Variants in GMPR observed in about 807,000 individuals in gnomAD.
GMPR encodes GMP reductase 1.
Under a neutral mutation model 38.4 loss-of-function variants are expected in GMPR, and 31 were observed. The observed-to-expected ratio is 0.81, with a 90% CI of 0.61 to 1.09. The LOEUF is 1.09. GMPR is among the 50% of genes least tolerant of loss of function. GMPR has a pLI of 0.00. For missense variants in GMPR, 468 were observed against 453.7 expected, an observed-to-expected ratio of 1.03 and a Z score of -0.29; for synonymous variants, 162 against 173.3, an observed-to-expected ratio of 0.93 and a Z score of 0.51.
chr6:16,267,045 GGCACGTCGGACGT>G (rs1483672894), intron 4 of GMPR, among the ~76,000 whole-genome samples: 5 of 150,844 alleles, frequency 3.3e-5, no homozygotes, highest in Admixed American at 6.6e-5. Flanking sequence ...CGAAAAAGGT[GGCACGTCGGACGT>G]GCCACCTTTA....
chr6:16,285,968 T>TG, intron 7 of GMPR, 133 bp downstream of exon 7: 1 of 772,108 alleles, frequency 1.3e-6, no homozygotes, highest in Non-Finnish European at 2.2e-6. Flanking sequence ...TTCCTCTCCC[T>TG]GGGTTTCAGC....
chr6:16,257,934 A>G (rs1759010837), intron 4 of GMPR: 1 of 152,236 alleles, frequency 6.6e-6, no homozygotes, highest in Non-Finnish European at 1.5e-5. Context: ...CATTCAGCCC[A>G]TAGCACCCCA....
intron 3 of GMPR, among the ~76,000 whole-genome samples, chr6:16,251,359 T>G (rs928270040): frequency 2.0e-5 from 3 of 152,126 alleles, no homozygotes; most frequent in Non-Finnish European, 4.4e-5. Context: ...TCACCTGAGG[T>G]CGGGAGTTCG....
At chr6:16,246,058 GGATGGTGGGTGGGCA>G (rs1158232347) in intron 1 of GMPR, among the ~76,000 whole-genome samples, 3 of 152,212 alleles carry the variant, frequency 2.0e-5, no homozygotes, top group Non-Finnish European at 2.9e-5. Flanking sequence ...AGCAGGCTGA[GGATGGTGGGTGGGCA>G]GACAGGCTGG....
At chr6:16,241,705 C>T (rs1027638001) in intron 1 of GMPR, among the ~76,000 whole-genome samples, 2 of 152,226 alleles carry the variant, frequency 1.3e-5, no homozygotes, top group African/African-American at 4.8e-5. Context: ...CTGGCTCTAA[C>T]ATTCTACTCT....
At chr6:16,240,984 G>C (rs1327041992) in intron 1 of GMPR, among the ~76,000 whole-genome samples, 1 of 152,050 alleles carries the variant, frequency 6.6e-6, no homozygotes, top group Non-Finnish European at 1.5e-5. Flanking sequence ...TGCCTCGGTG[G>C]CGTTGAGGGA....
intron 4 of GMPR, among the ~76,000 whole-genome samples, chr6:16,257,372 T>A (rs547184329): frequency 6.6e-6 from 1 of 152,296 alleles, no homozygotes; most frequent in South Asian, 2.1e-4. Context: ...TGGTAAACAT[T>A]CCATAAGTGG....
In GMPR at chr6:16,254,017, G is replaced by A. The variant is rs537253629; in HGVS notation, c.292-545G>A. Among the ~76,000 whole-genome samples, 25 of 151,710 alleles carry A rather than the reference G, an allele frequency of 1.6e-4. No homozygotes were observed. In the South Asian group the frequency reaches 4.6e-3, roughly 28 times the overall value. ...ACAATCTCGGCTCACTGCAACCTCC[G>A]CCCCCCAGGTTCAAGCTATTCTCCT... On this transcript the variant is annotated intron_variant, in intron 3 of 8. Transcript: ENST00000259727.
chr6:16,293,037 T>C (rs981822701), intron 8 of GMPR, among the ~76,000 whole-genome samples: 1 of 152,034 alleles, frequency 6.6e-6, no homozygotes, highest in African/African-American at 2.4e-5. Flanking sequence ...TCTCTCTCTC[T>C]CTTAGTTTTC....
intron 4 of GMPR, among the ~76,000 whole-genome samples, chr6:16,264,825 G>A (rs939405754): frequency 1.4e-4 from 21 of 152,310 alleles, no homozygotes; most frequent in Admixed American, 2.6e-4. Flanking sequence ...GGCAGGAACC[G>A]GCCATCTGGA....
At chr6:16,259,629 G>C (rs993016029) in intron 4 of GMPR, among the ~76,000 whole-genome samples, 1 of 151,840 alleles carries the variant, frequency 6.6e-6, no homozygotes, top group Non-Finnish European at 1.5e-5. Context: ...TTGATATTGT[G>C]GGACTGTTAG....
rs559287750 is a variant in GMPR, at chr6:16,254,491, A to G, written c.292-71A>G. The G allele has an allele frequency of 6.6e-5, 89 of 1,338,680 alleles. No individual in the cohort carries two copies. The South Asian group carries it at 1.1e-3, about 16-fold the overall frequency. 82.9% of individuals were successfully genotyped at this position (1,338,680 alleles called of 1,614,324 possible). A position where few individuals can be genotyped will look rare whatever the true frequency, so the allele number is the denominator to read the frequency against. On this transcript the variant is annotated intron_variant, in intron 3 of 8. Coordinates refer to ENST00000259727, the MANE Select transcript of GMPR (RefSeq NM_006877.4). ...TGTTGTACTGTCCCAGAATAGGTGC[A>G]TAAATGGGGGCAGGGTCTGATGTCT...
At chr6:16,266,088 TTTAAGAGCTGTAACACTTGCCATC>T (rs1759204411) in intron 4 of GMPR, among the ~76,000 whole-genome samples, 1 of 78,786 alleles carries the variant, frequency 1.3e-5, no homozygotes, top group Non-Finnish European at 3.1e-5. Flanking sequence ...ACGGGCTACC[TTTAAGAGCTGTAACACTTGCCATC>T]TTTAAGAGCT....
intron 8 of GMPR, 54 bp downstream of exon 8, chr6:16,290,675 G>T: frequency 6.6e-7 from 1 of 1,513,138 alleles, no homozygotes; most frequent in Non-Finnish European, 9.2e-7. Flanking sequence ...CTTTTCTTAC[G>T]GAGATGGGAT....
intron 8 of GMPR, among the ~76,000 whole-genome samples, chr6:16,291,210 G>GTTTATTT (rs914168632): frequency 6.6e-5 from 10 of 152,090 alleles, no homozygotes; most frequent in Non-Finnish European, 1.0e-4. Flanking sequence ...GCTGATGTGT[G>GTTTATTT]TTTATTTTTT....
intron 5 of GMPR, among the ~76,000 whole-genome samples, chr6:16,276,302 T>C (rs891997061): frequency 1.3e-5 from 2 of 152,056 alleles, no homozygotes; most frequent in Non-Finnish European, 2.9e-5. Context: ...CCTGAGTAAC[T>C]GGGATTACAG....
chr6:16,270,640 T>C (rs989012797), intron 4 of GMPR, among the ~76,000 whole-genome samples: 4 of 152,232 alleles, frequency 2.6e-5, no homozygotes, highest in Admixed American at 2.0e-4. Context: ...TTTGCCCTTC[T>C]TGATTTCAAA....
intron 4 of GMPR, among the ~76,000 whole-genome samples, 155 bp downstream of exon 4, chr6:16,254,890 C>A (rs1396773525): frequency 6.6e-6 from 1 of 152,050 alleles, no homozygotes; most frequent in Admixed American, 6.6e-5. Flanking sequence ...GGATAGGTAG[C>A]CGCTGCGGAA....
intron 3 of GMPR, among the ~76,000 whole-genome samples, chr6:16,250,999 A>AGTCCCCT (rs1475213870): frequency 6.6e-6 from 1 of 152,202 alleles, no homozygotes; most frequent in Non-Finnish European, 1.5e-5. Flanking sequence ...TGGAACGTTA[A>AGTCCCCT]CCATAAGAGT....
Sources: gnomAD v4.1 joint callset for allele counts (sites outside exome capture counted in the v4.1 genomes callset) on GRCh38, gnomAD v4.1.1 for gene constraint, MANE v1.5 for transcripts, NCBI Gene and HGNC (gene_info 2026-07-23, HGNC 2026-07-21) for gene names.